CAMK1D: variants seen among roughly 807,000 people sequenced by gnomAD.
The protein encoded by CAMK1D is calcium/calmodulin-dependent protein kinase type 1D.
A neutral mutation model predicts 47.7 loss-of-function variants in CAMK1D; 9 were observed. That is an observed-to-expected ratio of 0.19 (90% CI 0.11 to 0.33). CAMK1D has a LOEUF of 0.33. Among genes scored for constraint, CAMK1D ranks in the 10% least tolerant of loss-of-function variants. The pLI, the probability that CAMK1D is intolerant of heterozygous loss-of-function variation, is 1.00. For missense variants in CAMK1D, 291 were observed against 488.7 expected, an observed-to-expected ratio of 0.60 and a Z score of 3.81; for synonymous variants, 184 against 184.9, an observed-to-expected ratio of 0.99 and a Z score of 0.04.
intron 1 of CAMK1D, among the ~76,000 whole-genome samples, chr10:12,366,720 G>A (rs1837846919): frequency 6.6e-6 from 1 of 152,024 alleles, no homozygotes; most frequent in South Asian, 2.1e-4. Context: ...TCATTCTGCG[G>A]GGTGGGTGGC....
intron 1 of CAMK1D, among the ~76,000 whole-genome samples, chr10:12,479,265 T>C (rs1833993300): frequency 6.6e-6 from 1 of 152,056 alleles, no homozygotes; most frequent in Non-Finnish European, 1.5e-5. Context: ...GGTGCGATCT[T>C]GGCTCACTGC....
chr10:12,430,753 A>T (rs1832445746), intron 1 of CAMK1D, among the ~76,000 whole-genome samples: 1 of 152,016 alleles, frequency 6.6e-6, no homozygotes. Context: ...GATGATGATG[A>T]TGATGATGAT....
chr10:12,470,611 G>A (rs2132074229), intron 1 of CAMK1D, among the ~76,000 whole-genome samples: 1 of 152,020 alleles, frequency 6.6e-6, no homozygotes, highest in Admixed American at 6.5e-5. Flanking sequence ...CTGCCTCCTG[G>A]GTTCAAGCGA....
At chr10:12,482,313 G>T (rs1216408947) in intron 1 of CAMK1D, among the ~76,000 whole-genome samples, 1 of 152,150 alleles carries the variant, frequency 6.6e-6, no homozygotes, top group Non-Finnish European at 1.5e-5. Flanking sequence ...GGCCCTTCCC[G>T]CAGGTCACCT....
intron 6 of CAMK1D, among the ~76,000 whole-genome samples, chr10:12,792,201 A>C (rs2131002000): frequency 6.6e-6 from 1 of 152,224 alleles, no homozygotes; most frequent in South Asian, 2.1e-4. Context: ...TAGATTTCTC[A>C]TTTCTTCTGA....
At chr10:12,662,022 A>G (rs1193462799) in intron 2 of CAMK1D, among the ~76,000 whole-genome samples, 1 of 152,210 alleles carries the variant, frequency 6.6e-6, no homozygotes, top group Non-Finnish European at 1.5e-5. Flanking sequence ...AGGCTAGATG[A>G]TAGTACTGCT....
chr10:12,686,341 G>T (rs1832665128), intron 3 of CAMK1D, among the ~76,000 whole-genome samples: 1 of 151,976 alleles, frequency 6.6e-6, no homozygotes, highest in African/African-American at 2.4e-5. Flanking sequence ...TTTTTTTGGA[G>T]ATGGAGTTTC....
chr10:12,372,020 A>G (rs1473761348), intron 1 of CAMK1D, among the ~76,000 whole-genome samples: 2 of 152,134 alleles, frequency 1.3e-5, no homozygotes, highest in African/African-American at 4.8e-5. Flanking sequence ...ATCTTGATAT[A>G]TTTAGATATA....
intron 1 of CAMK1D, among the ~76,000 whole-genome samples, chr10:12,533,711 A>G (rs969786357): frequency 9.9e-5 from 15 of 152,204 alleles, no homozygotes; most frequent in Admixed American, 8.5e-4. Context: ...GTAACAGAAA[A>G]ATTGGTAGGA....
At chr10:12,541,854 C>CCTT (rs1306521492) in intron 1 of CAMK1D, among the ~76,000 whole-genome samples, 1 of 138,774 alleles carries the variant, frequency 7.2e-6, no homozygotes. Context: ...TTCCTTCCTT[C>CCTT]CTTCCTTCCT....
At chr10:12,767,569 T>C (rs1836826126) in intron 4 of CAMK1D, among the ~76,000 whole-genome samples, 1 of 152,092 alleles carries the variant, frequency 6.6e-6, no homozygotes, top group Admixed American at 6.6e-5. Context: ...GTGCCCAAGG[T>C]GGTCAGGGCA....
chr10:12,646,401 A>G (rs1349839139), intron 2 of CAMK1D, among the ~76,000 whole-genome samples: 1 of 152,190 alleles, frequency 6.6e-6, no homozygotes, highest in East Asian at 1.9e-4. Flanking sequence ...TCTCTGGAAG[A>G]AAATTACTCA....
intron 1 of CAMK1D, among the ~76,000 whole-genome samples, chr10:12,461,748 T>C: frequency 6.6e-6 from 1 of 150,752 alleles, no homozygotes; most frequent in East Asian, 2.0e-4. Context: ...AACCCAACAG[T>C]GGTGGAAATA....
chr10:12,673,290 C>T (rs1485966162), intron 3 of CAMK1D, among the ~76,000 whole-genome samples: 3 of 152,042 alleles, frequency 2.0e-5, no homozygotes, highest in South Asian at 2.1e-4. Flanking sequence ...GATTAATAAA[C>T]GTAAGTGTTT....
rs183305544 is a variant in CAMK1D, at chr10:12,679,389, A to G, written c.299+12579A>G. Among the ~76,000 whole-genome samples, 159 of 152,310 alleles carry G rather than the reference A, an allele frequency of 1.0e-3. 2 individuals are homozygous for G. The South Asian group carries it at 0.014, about 13-fold the overall frequency. ...AGGATATATGTAATGTCACAAAGTC[A>G]GTAAGATGGGGCTAGTAAAATATAT... On this transcript the variant is annotated intron_variant, in intron 3 of 10. Transcript: ENST00000619168.
chr10:12,662,967 G>A (rs1840319788), intron 2 of CAMK1D, among the ~76,000 whole-genome samples: 2 of 151,826 alleles, frequency 1.3e-5, no homozygotes, highest in African/African-American at 2.4e-5. Flanking sequence ...TTTTGTTTTC[G>A]TTTTTGTTTT....
chr10:12,641,103 A>C (rs914907664), intron 2 of CAMK1D, among the ~76,000 whole-genome samples: 1 of 151,868 alleles, frequency 6.6e-6, no homozygotes, highest in East Asian at 1.9e-4. Context: ...CCGAGTAGCT[A>C]GGATTACAGG....
chr10:12,373,600 C>T (rs1309526875), intron 1 of CAMK1D, among the ~76,000 whole-genome samples: 3 of 152,012 alleles, frequency 2.0e-5, no homozygotes, highest in South Asian at 2.1e-4. Context: ...CCACTGTACT[C>T]CAGCCCGGGT....
At chr10:12,558,670 A>G (rs551583845) in intron 2 of CAMK1D, among the ~76,000 whole-genome samples, 2 of 152,262 alleles carry the variant, frequency 1.3e-5, no homozygotes, top group East Asian at 3.9e-4. Context: ...AGGGGGATGC[A>G]TAGATTGGAA....
Sources: gnomAD v4.1 joint callset for allele counts (sites outside exome capture counted in the v4.1 genomes callset) on GRCh38, gnomAD v4.1.1 for gene constraint, MANE v1.5 for transcripts, NCBI Gene and HGNC (gene_info 2026-07-23, HGNC 2026-07-21) for gene names.